TACR2: variants seen among roughly 807,000 people sequenced by gnomAD.
TACR2 encodes tachykinin receptor 2, also known as substance-K receptor.
Under a neutral mutation model 28.9 loss-of-function variants are expected in TACR2, and 24 were observed. The observed-to-expected ratio is 0.83, with a 90% CI of 0.60 to 1.17. The LOEUF is 1.17. Ranked by LOEUF, TACR2 falls within the 50% of genes most tolerant of loss-of-function variation. TACR2 has a pLI of 0.00. For synonymous variants in TACR2, 222 were observed against 212.6 expected, an observed-to-expected ratio of 1.04 and a Z score of -0.38; for missense variants, 487 against 524.4, an observed-to-expected ratio of 0.93 and a Z score of 0.70.
intron 2 of TACR2, among the ~76,000 whole-genome samples, chr10:69,414,056 G>T (rs59840358): frequency 0.1 from 15,894 of 152,174 alleles, 1,103 homozygotes; most frequent in South Asian, 0.23. Context: ...AACCCCAGTC[G>T]GTTCTTTAGC....
At chr10:69,408,506 T>C (rs999381709) in intron 3 of TACR2, among the ~76,000 whole-genome samples, 1 of 152,042 alleles carries the variant, frequency 6.6e-6, no homozygotes, top group Non-Finnish European at 1.5e-5. Flanking sequence ...GGGGTCTCGC[T>C]ATGTTGCCCA....
At position 69,407,321 on chromosome 10, in the gene TACR2, C is replaced by T; in HGVS notation, c.742-41G>A. The T allele has an allele frequency of 2.6e-6, 4 of 1,560,110 alleles. 1 individual carries two copies. Among genetic ancestry groups the T allele is most frequent in the African/African-American group, 2.7e-5 (2 of 73,002 alleles). ...CTCAAGTTACTTCTTAGTGCCCAAGCCCCAGCCCCAGCCCTCCGAGGGCAG... is the reference window on the plus strand; with the variant it reads ...CTCAAGTTACTTCTTAGTGCCCAAGTCCCAGCCCCAGCCCTCCGAGGGCAG... On this transcript the variant is annotated intron_variant, in intron 3 of 4. Coordinates refer to ENST00000373306, the MANE Select transcript of TACR2 (RefSeq NM_001057.3).
rs200445225 is a variant in TACR2, at chr10:69,416,107, C to A, written c.217G>T (p.Val73Phe). Reference protein sequence around the residue: ...RMRTVTNYFIVNLALADLCMA... With the variant: ...RMRTVTNYFIFNLALADLCMA... The stretch of plus-strand genomic sequence containing the variant: ...CAGAGGTCAGCCAGCGCCAGATTGA[C>A]GATGAAGTAGTTGGTGACTGTGCGC... The change falls in exon 1 of 5, where the codon GTC becomes TTC. Residue 73 changes from valine (V) to phenylalanine (F), a missense_variant. By Grantham distance (50) the Val-to-Phe change is conservative. Coordinates refer to ENST00000373306, the MANE Select transcript of TACR2 (RefSeq NM_001057.3). The A allele has an allele frequency of 1.9e-6, 3 of 1,614,090 alleles. No homozygotes were observed. Among genetic ancestry groups the A allele is most frequent in the Non-Finnish European group, 2.5e-6 (3 of 1,180,056 alleles).
chr10:69,405,540 C>G (rs988619387), intron 4 of TACR2, among the ~76,000 whole-genome samples: 1 of 152,148 alleles, frequency 6.6e-6, no homozygotes, highest in Non-Finnish European at 1.5e-5. Context: ...ATTGAAAAAC[C>G]CACACTCGGA....
chr10:69,415,018 C>G lies in TACR2; in HGVS notation c.514G>C (p.Val172Leu). 7 of 1,613,892 alleles carry G rather than the reference C, an allele frequency of 4.3e-6. No individual in the cohort carries two copies. The highest frequency in any genetic ancestry group is 5.1e-6 in the Non-Finnish European group (6 of 1,180,026). Residue 172 changes from valine (V) to leucine (L), a missense_variant, in exon 2 of 5, where the codon GTC becomes CTC. Physicochemically the swap from Val to Leu is conservative, Grantham distance 32. Coordinates refer to ENST00000373306, the MANE Select transcript of TACR2 (RefSeq NM_001057.3). ...LASPQCFYST[V>L]TMDQGATKCV... is the part of the protein sequence containing the mutation. ...TTGGTGGCACCCTGGTCCATGGTGA[C>G]GGTGGAGTAGAAGCACTGAGGGGAG...
At chr10:69,415,236 T>C in intron 1 of TACR2, 97 bp from the exon 2 acceptor site, 1 of 1,314,968 alleles carries the variant, frequency 7.6e-7, no homozygotes, top group Non-Finnish European at 1.0e-6. Context: ...CCACGCCTTC[T>C]AGCCATTCCC....
chr10:69,415,464 C>T (rs1392185266), intron 1 of TACR2, among the ~76,000 whole-genome samples: 1 of 152,232 alleles, frequency 6.6e-6, no homozygotes, highest in Non-Finnish European at 1.5e-5. Flanking sequence ...CCAACATTAG[C>T]CTGAAGCTCA....
chr10:69,407,456 A>G (rs1840513327), intron 3 of TACR2, among the ~76,000 whole-genome samples, 176 bp from the exon 4 acceptor site: 2 of 151,966 alleles, frequency 1.3e-5, no homozygotes, highest in South Asian at 4.2e-4. Flanking sequence ...TGAGCCCCCA[A>G]CCTCAGAGGC....
At chr10:69,409,908 T>TATATATATATAC (rs1564581113) in intron 2 of TACR2, among the ~76,000 whole-genome samples, 1 of 21,294 alleles carries the variant, frequency 4.7e-5, no homozygotes, top group East Asian at 8.4e-4. Flanking sequence ...TATATACATA[T>TATATATATATAC]ATATATATAT....
chr10:69,409,871 A>G (rs559783304), intron 2 of TACR2, among the ~76,000 whole-genome samples: 18 of 23,238 alleles, frequency 7.7e-4, no homozygotes, highest in South Asian at 7.7e-3. Context: ...ATATGTATAT[A>G]TATATATATA....
chr10:69,409,896 TATATATAC>T (rs1433831195), intron 2 of TACR2, among the ~76,000 whole-genome samples: 108 of 14,784 alleles, frequency 7.3e-3, no homozygotes, highest in South Asian at 0.014. Context: ...TATACATATA[TATATATAC>T]ATATATATAT....
At chr10:69,407,040 G>A (rs780338529) in intron 4 of TACR2, 44 bp downstream of exon 4, 2 of 1,601,896 alleles carry the variant, frequency 1.2e-6, no homozygotes, top group East Asian at 4.5e-5. Flanking sequence ...GGGCTGGGCA[G>A]TGGGGCCCTG....
chr10:69,412,110 G>A (rs1276117119), intron 2 of TACR2, among the ~76,000 whole-genome samples: 2 of 152,176 alleles, frequency 1.3e-5, no homozygotes, highest in African/African-American at 2.4e-5. Context: ...GTGAGCCACC[G>A]CGCCTGGCCT....
At chr10:69,409,196 G>A (rs1840538400) in intron 2 of TACR2, 121 bp from the exon 3 acceptor site, 3 of 1,071,808 alleles carry the variant, frequency 2.8e-6, no homozygotes, top group African/African-American at 1.7e-5. Flanking sequence ...CACCCTGGGC[G>A]CCTCCCAGGG....
chr10:69,413,941 T>A (rs1026178254), intron 2 of TACR2, among the ~76,000 whole-genome samples: 2 of 152,150 alleles, frequency 1.3e-5, no homozygotes, highest in African/African-American at 4.8e-5. Flanking sequence ...CTATTATGAA[T>A]CCTCATTTTA....
intron 4 of TACR2, among the ~76,000 whole-genome samples, chr10:69,405,530 A>G (rs1021409159): frequency 1.2e-4 from 19 of 152,220 alleles, no homozygotes; most frequent in East Asian, 1.9e-4. Flanking sequence ...AGGGGACTAC[A>G]TTGAAAAACC....
chr10:69,407,394 C>A (rs182914971), intron 3 of TACR2, 114 bp from the exon 4 acceptor site: 142 of 1,005,636 alleles, frequency 1.4e-4, no homozygotes, highest in Middle Eastern at 4.5e-4. Flanking sequence ...CACACACAGA[C>A]CCCGTTAGCT....
intron 2 of TACR2, among the ~76,000 whole-genome samples, chr10:69,410,395 C>T (rs1246107570): frequency 1.3e-5 from 2 of 151,910 alleles, no homozygotes; most frequent in Non-Finnish European, 1.5e-5. Flanking sequence ...ATGGGGCACA[C>T]CTGTAATTCC....
At chr10:69,415,364 G>A (rs745592883) in intron 1 of TACR2, among the ~76,000 whole-genome samples, 15 of 152,122 alleles carry the variant, frequency 9.9e-5, no homozygotes, top group Non-Finnish European at 2.1e-4. Context: ...CAGGCACCTC[G>A]GCCCACCATT....
Sources: gnomAD v4.1 joint callset for allele counts (sites outside exome capture counted in the v4.1 genomes callset) on GRCh38, gnomAD v4.1.1 for gene constraint, MANE v1.5 for transcripts, NCBI Gene and HGNC (gene_info 2026-07-23, HGNC 2026-07-21) for gene names.